NLGN1: variants seen among roughly 807,000 people sequenced by gnomAD.
NLGN1 encodes neuroligin 1, also known as neuroligin-1.
Under a neutral mutation model 65.5 loss-of-function variants are expected in NLGN1, and 12 were observed. The observed-to-expected ratio is 0.18, with a 90% CI of 0.12 to 0.30. The LOEUF (loss-of-function observed/expected upper bound fraction) is 0.30, where lower values mean the gene tolerates loss of function less well. Ranked by LOEUF, NLGN1 falls within the 10% of genes least tolerant of loss-of-function variation. The pLI, the probability that NLGN1 is intolerant of heterozygous loss-of-function variation, is 1.00. For synonymous variants in NLGN1, 350 were observed against 359.5 expected (o/e 0.97, Z 0.30); for missense variants, 750 against 1,007.1 (o/e 0.74, Z 3.46).
At chr3:173,647,648 C>T (rs368392135) in intron 3 of NLGN1, among the ~76,000 whole-genome samples, 2 of 151,944 alleles carry the variant, frequency 1.3e-5, no homozygotes, top group East Asian at 1.9e-4. Context: ...TACAATATAT[C>T]ATAATTTAGG....
intron 4 of NLGN1, among the ~76,000 whole-genome samples, chr3:173,958,430 G>A (rs1040103040): frequency 1.3e-5 from 2 of 152,102 alleles, no homozygotes; most frequent in Non-Finnish European, 2.9e-5. Flanking sequence ...ACCCTGGAGT[G>A]GGTAGCTCCT....
At chr3:173,581,211 T>C (rs114470850) in intron 2 of NLGN1, among the ~76,000 whole-genome samples, 108 of 152,182 alleles carry the variant, frequency 7.1e-4, no homozygotes, top group Admixed American at 2.2e-3. Flanking sequence ...AACTGCTCAA[T>C]TGAGTTATAA....
At chr3:173,554,717 G>A (rs1483509452) in intron 2 of NLGN1, among the ~76,000 whole-genome samples, 1 of 152,144 alleles carries the variant, frequency 6.6e-6, no homozygotes, top group Non-Finnish European at 1.5e-5. Flanking sequence ...TTTGAAAAAA[G>A]CTGCTATGAA....
Position 173,730,533 on chromosome 3 carries a change from G to A in NLGN1, c.494-77147G>A, listed in dbSNP as rs182521603. 7.8e-4 allele frequency among the ~76,000 whole-genome samples: 119 copies of A among 151,808 alleles called. 1 individual carries two copies. Among genetic ancestry groups the A allele is most frequent in the Admixed American group, 1.9e-3 (29 of 15,228 alleles). On this transcript the variant is annotated intron_variant, in intron 3 of 6. Transcript: ENST00000457714. ...CATTCTAAGCATTGAAATTTCAGTG[G>A]TATTTTACACTCATTTCAGACTAAC...
chr3:174,205,212 T>C (rs1412409189), intron 4 of NLGN1, among the ~76,000 whole-genome samples: 1 of 152,158 alleles, frequency 6.6e-6, no homozygotes, highest in Non-Finnish European at 1.5e-5. Context: ...CTTAAGAAAA[T>C]TTAGATATTC....
At chr3:174,086,310 T>G (rs1743362161) in intron 4 of NLGN1, among the ~76,000 whole-genome samples, 1 of 102 alleles carries the variant, frequency 9.8e-3, no homozygotes, top group Non-Finnish European at 0.045. Flanking sequence ...TGTATGTGCA[T>G]AAATATATAT....
intron 4 of NLGN1, among the ~76,000 whole-genome samples, chr3:173,825,588 A>T (rs1237123644): frequency 6.6e-6 from 1 of 152,126 alleles, no homozygotes; most frequent in African/African-American, 2.4e-5. Flanking sequence ...AAGCTCACAT[A>T]GTTCCCAACG....
intron 4 of NLGN1, among the ~76,000 whole-genome samples, chr3:174,228,074 A>G (rs1468238202): frequency 1.3e-5 from 2 of 148,988 alleles, no homozygotes; most frequent in African/African-American, 2.5e-5. Flanking sequence ...TTCTCTCTCC[A>G]TTTTTTTTTT....
Position 173,539,582 on chromosome 3 carries a change from TTA to T in NLGN1, c.-320-64691_-320-64690del, listed in dbSNP as rs1223044606. Among the ~76,000 whole-genome samples, 130 of 140,012 alleles carry T rather than the reference TTA, an allele frequency of 9.3e-4. 1 individual carries two copies. The highest frequency in any genetic ancestry group is 2.8e-3 in the African/African-American group (103 of 37,394). 91.9% of individuals were successfully genotyped at this position (140,012 alleles called of 152,430 possible). On this transcript the variant is annotated intron_variant, in intron 2 of 6. Transcript: ENST00000457714. ...TAATATATATAACATATATGTTATG[TTA>T]TATATGTTATATAATATATGTATGT...
chr3:174,029,329 G>A (rs1579868657), intron 4 of NLGN1, among the ~76,000 whole-genome samples: 1 of 152,332 alleles, frequency 6.6e-6, no homozygotes, highest in Admixed American at 6.5e-5. Flanking sequence ...AAGACATGGA[G>A]TCAAAAGAGA....
intron 1 of NLGN1, among the ~76,000 whole-genome samples, chr3:173,416,949 T>G (rs1486244776): frequency 6.6e-6 from 1 of 152,182 alleles, no homozygotes; most frequent in Non-Finnish European, 1.5e-5. Flanking sequence ...ATGATCAAAC[T>G]GTAATATTCA....
chr3:173,745,536 A>G (rs1775236382), intron 3 of NLGN1, among the ~76,000 whole-genome samples: 1 of 152,090 alleles, frequency 6.6e-6, no homozygotes, highest in Non-Finnish European at 1.5e-5. Context: ...AAACTTACAA[A>G]CACCCGTGTA....
chr3:173,447,325 C>G (rs1243301378), intron 2 of NLGN1, among the ~76,000 whole-genome samples: 1 of 152,148 alleles, frequency 6.6e-6, no homozygotes, highest in Non-Finnish European at 1.5e-5. Flanking sequence ...ATAGGGAATC[C>G]TTTCCCCATT....
At chr3:173,762,472 C>A (rs1778113059) in intron 3 of NLGN1, among the ~76,000 whole-genome samples, 1 of 151,984 alleles carries the variant, frequency 6.6e-6, no homozygotes, top group Non-Finnish European at 1.5e-5. Context: ...ATGAAATATA[C>A]TATAGCTATA....
chr3:173,535,739 G>A (rs758392761), intron 2 of NLGN1, among the ~76,000 whole-genome samples: 4 of 152,104 alleles, frequency 2.6e-5, no homozygotes, highest in Non-Finnish European at 2.9e-5. Context: ...TTTCATTATC[G>A]TTTATTCAGT....
upstream of NLGN1, chr3:173,398,368 C>G (rs1328953260): frequency 2.0e-5 from 3 of 152,190 alleles, no homozygotes; most frequent in African/African-American, 7.2e-5. Context: ...CCTAGATCCC[C>G]CGCGTTGAGC....
At chr3:173,802,956 C>A (rs1377066874) in intron 3 of NLGN1, among the ~76,000 whole-genome samples, 6 of 151,908 alleles carry the variant, frequency 3.9e-5, no homozygotes, top group African/African-American at 1.5e-4. Context: ...AATTCTCCTG[C>A]CACAGCCTCC....
At chr3:174,263,122 G>T (rs1480607515) in intron 4 of NLGN1, among the ~76,000 whole-genome samples, 3 of 149,494 alleles carry the variant, frequency 2.0e-5, no homozygotes, top group Non-Finnish European at 4.4e-5. Context: ...GTCAATTTTG[G>T]AATAGGTGTG....
chr3:174,195,636 G>T (rs1733267843), intron 4 of NLGN1, among the ~76,000 whole-genome samples: 1 of 152,150 alleles, frequency 6.6e-6, no homozygotes, highest in African/African-American at 2.4e-5. Flanking sequence ...CAGCCGAAGT[G>T]TCTGTGCACA....
Sources: gnomAD v4.1 joint callset for allele counts (sites outside exome capture counted in the v4.1 genomes callset) on GRCh38, gnomAD v4.1.1 for gene constraint, MANE v1.5 for transcripts, NCBI Gene and HGNC (gene_info 2026-07-23, HGNC 2026-07-21) for gene names.